UGGT1: variants seen among roughly 807,000 people sequenced by gnomAD.
UGGT1 encodes UDP-glucose glycoprotein glucosyltransferase 1, also known as UDP-glucose:glycoprotein glucosyltransferase 1.
In UGGT1, 107 loss-of-function variants were observed where a neutral mutation model predicts 203.9. The observed-to-expected ratio is 0.52, with a 90% CI of 0.45 to 0.62. The LOEUF is 0.62. UGGT1 is among the 20% of genes least tolerant of loss of function. The pLI is 0.00. For synonymous variants in UGGT1, 628 were observed against 653.5 expected (o/e 0.96, Z 0.59); for missense variants, 1,673 against 1,867.2 (o/e 0.90, Z 1.92).
At chr2:128,104,620 T>C (rs1488037747) in intron 3 of UGGT1, among the ~76,000 whole-genome samples, 1 of 152,328 alleles carries the variant, frequency 6.6e-6, no homozygotes, top group East Asian at 1.9e-4. Flanking sequence ...TTAATTTACA[T>C]TGACAGATAT....
rs543681167 is a variant in UGGT1 at position 128,193,167 on chromosome 2, C to G, written c.*3425C>G. 19 of 90,238 alleles carry G rather than the reference C, an allele frequency of 2.1e-4. No individual in the cohort carries two copies. In the Admixed American group the frequency reaches 2.4e-3, roughly 11 times the overall value. The allele number at this position is 90,238 out of a possible 1,614,324, so 5.6% of individuals were successfully genotyped here. On this transcript the variant is annotated 3_prime_UTR_variant, in exon 41 of 41. Coordinates refer to ENST00000259253, the MANE Select transcript of UGGT1 (RefSeq NM_020120.4). ...ACTCCAGCCTGGCAATAGAGCGAGACTCCGTCTCAAAAAAAAAAAAAAAAA... is the reference window on the plus strand; with the variant it reads ...ACTCCAGCCTGGCAATAGAGCGAGAGTCCGTCTCAAAAAAAAAAAAAAAAA...
chr2:128,121,932 C>G (rs923895077), intron 10 of UGGT1, among the ~76,000 whole-genome samples: 4 of 152,310 alleles, frequency 2.6e-5, no homozygotes, highest in Admixed American at 6.5e-5. Context: ...GAGTCTTGCT[C>G]ATATAACTAA....
At chr2:128,129,004 T>G in intron 12 of UGGT1, 25 bp from the exon 13 acceptor site, 6 of 1,512,778 alleles carry the variant, frequency 4.0e-6, no homozygotes, top group Non-Finnish European at 5.3e-6. Context: ...TCCTAGTAAA[T>G]ATCTCTTTTT....
rs71396517 is a variant in UGGT1 at position 128,183,937 on chromosome 2, TGAGAGAGA to T, written c.4359+165_4359+172del. 2.2e-3 allele frequency: 737 copies of T among 328,572 alleles called. 2 individuals are homozygous for T. The highest frequency in any genetic ancestry group is 0.014 in the Middle Eastern group (19 of 1,328). The allele number at this position is 328,572 out of a possible 1,614,324, so 20.4% of individuals were successfully genotyped here. A position where few individuals can be genotyped will look rare whatever the true frequency, so the allele number is the denominator to read the frequency against. Reference sequence around the variant, plus strand: ...GTGTGTGTGTGTGTGTGTGTGTGTGTGAGAGAGAGAGAGAGAGAGAGAGATTTTTATCT... The same window carrying T: ...GTGTGTGTGTGTGTGTGTGTGTGTGTGAGAGAGAGAGAGAGATTTTTATCT... On this transcript the variant is annotated intron_variant, in intron 38 of 40. Transcript: ENST00000259253.
intron 22 of UGGT1, among the ~76,000 whole-genome samples, chr2:128,158,280 C>A (rs1027505457): frequency 3.3e-5 from 5 of 152,170 alleles, no homozygotes; most frequent in African/African-American, 1.2e-4. Flanking sequence ...ATAGGACACA[C>A]AGTGTCACAA....
In UGGT1 at chr2:128,193,894, CAGAGTTACAAGGGAAAAAGAAAA is replaced by C. The variant is rs1320671022; in HGVS notation, c.*4168_*4190del. 3 of 151,974 alleles carry C rather than the reference CAGAGTTACAAGGGAAAAAGAAAA, an allele frequency of 2.0e-5. No homozygotes were observed. Among genetic ancestry groups the C allele is most frequent in the Admixed American group, 1.3e-4 (2 of 15,236 alleles). 9.4% of individuals were successfully genotyped at this position (151,974 alleles called of 1,614,324 possible). A position where few individuals can be genotyped will look rare whatever the true frequency, so the allele number is the denominator to read the frequency against. Reference sequence around the variant, plus strand: ...GCCTGAACGATTAAAAGAAAGAACTCAGAGTTACAAGGGAAAAAGAAAAAGAGTTACAAGGGAATTGTAGTCTT... The same window carrying C: ...GCCTGAACGATTAAAAGAAAGAACTCAGAGTTACAAGGGAATTGTAGTCTT... On this transcript the variant is annotated 3_prime_UTR_variant, in exon 41 of 41. Coordinates refer to ENST00000259253, the MANE Select transcript of UGGT1 (RefSeq NM_020120.4).
At chr2:128,133,466 G>GC (rs2105428866) in intron 14 of UGGT1, among the ~76,000 whole-genome samples, 1 of 152,282 alleles carries the variant, frequency 6.6e-6, no homozygotes, top group African/African-American at 2.4e-5. Context: ...GAGCATTACA[G>GC]CCCCCCTCAG....
rs1690179953 is a variant in UGGT1, at chr2:128,155,414, A to T, written c.2138-75A>T. The T allele has an allele frequency of 1.5e-5, 17 of 1,097,150 alleles. No homozygotes were observed. In the South Asian group the frequency reaches 2.4e-4, roughly 15 times the overall value. The allele number at this position is 1,097,150 out of a possible 1,614,324, so 68.0% of individuals were successfully genotyped here. On this transcript the variant is annotated intron_variant, in intron 19 of 40. Coordinates refer to ENST00000259253, the MANE Select transcript of UGGT1 (RefSeq NM_020120.4). ...TTCTATAAATCTTATATTATGATCA[A>T]GTCAGGTTATCAGTTGAATATTAAG...
chr2:128,182,520 G>A (rs538115353), intron 37 of UGGT1, among the ~76,000 whole-genome samples: 2 of 152,096 alleles, frequency 1.3e-5, no homozygotes, highest in East Asian at 1.9e-4. Flanking sequence ...CCAACATGGC[G>A]AAACCCCGTC....
chr2:128,164,850 G>A, intron 26 of UGGT1, 25 bp downstream of exon 26: 1 of 1,538,078 alleles, frequency 6.5e-7, no homozygotes, highest in Non-Finnish European at 8.8e-7. Flanking sequence ...TTGAATTTGT[G>A]CATATTCTTG....
chr2:128,129,016 T>A lies in UGGT1; in HGVS notation c.1227-13T>A. The A allele has an allele frequency of 6.5e-7, 1 of 1,544,436 alleles. No homozygotes were observed. Among genetic ancestry groups the A allele is most frequent in the Non-Finnish European group, 8.7e-7 (1 of 1,150,824 alleles). ...TTTTCCTAGTAAATATCTCTTTTTG[T>A]TTTTCCCCCCAGTCTGTTTGATGTG... On this transcript the variant is annotated splice_polypyrimidine_tract_variant and intron_variant, in intron 12 of 40. Coordinates refer to ENST00000259253, the MANE Select transcript of UGGT1 (RefSeq NM_020120.4).
At chr2:128,151,843 C>T (rs1013413576) in intron 18 of UGGT1, among the ~76,000 whole-genome samples, 2 of 152,042 alleles carry the variant, frequency 1.3e-5, no homozygotes, top group East Asian at 1.9e-4. Context: ...TACTACTACA[C>T]TCCAGCCTGG....
chr2:128,110,993 T>A (rs577559366), intron 5 of UGGT1, among the ~76,000 whole-genome samples: 1 of 152,310 alleles, frequency 6.6e-6, no homozygotes, highest in South Asian at 2.1e-4. Flanking sequence ...TGCATTAAGA[T>A]CTGTTAATAT....
chr2:128,122,457 C>G (rs931054366), intron 10 of UGGT1, among the ~76,000 whole-genome samples: 1 of 151,802 alleles, frequency 6.6e-6, no homozygotes, highest in Non-Finnish European at 1.5e-5. Context: ...TCGCTTGAAC[C>G]CGGGAGGTGA....
Position 128,173,884 on chromosome 2 carries a change from C to T in UGGT1, c.3398C>T (p.Thr1133Ile). The T allele has an allele frequency of 1.9e-6, 3 of 1,614,148 alleles. No individual in the cohort carries two copies. Among genetic ancestry groups the T allele is most frequent in the Non-Finnish European group, 2.5e-6 (3 of 1,180,022 alleles). The change falls in exon 30 of 41, where the codon ACC (threonine) becomes ATC (isoleucine). Residue 1133 changes from threonine to isoleucine, a missense_variant. By Grantham distance (89) the Thr-to-Ile change is moderately conservative (BLOSUM62 -1). Coordinates refer to ENST00000259253, the MANE Select transcript of UGGT1 (RefSeq NM_020120.4). Reference protein sequence around the residue: ...TGQPPRGLQFTLGTSANPVIV... With the variant: ...TGQPPRGLQFILGTSANPVIV... The stretch of plus-strand genomic sequence containing the variant: ...CAGCCTCCACGGGGACTACAGTTTA[C>T]CTTAGGAACTTCAGCCAACCCGGTC...
chr2:128,136,520 G>A (rs1366044880), intron 15 of UGGT1, among the ~76,000 whole-genome samples: 1 of 152,190 alleles, frequency 6.6e-6, no homozygotes, highest in Non-Finnish European at 1.5e-5. Context: ...AGCTTCCTCT[G>A]TGTCTTCTAG....
At chr2:128,115,770 A>AT (rs1206665472) in intron 7 of UGGT1, among the ~76,000 whole-genome samples, 1 of 152,050 alleles carries the variant, frequency 6.6e-6, no homozygotes, top group Non-Finnish European at 1.5e-5. Flanking sequence ...TTTAAATGCT[A>AT]TTTTTTCATT....
In UGGT1 at chr2:128,109,751, A is replaced by G. The variant is rs780128553; in HGVS notation, c.521+5A>G. The G allele has an allele frequency of 6.2e-7, 1 of 1,607,166 alleles. No individual in the cohort carries two copies. The highest frequency in any genetic ancestry group is 8.5e-7 in the Non-Finnish European group (1 of 1,174,126). ...TCTACTGACAGCCTCTGAAAGGTAG[A>G]TTATGTGTTTCTTTATTTTCATGTC... On this transcript the variant is annotated splice_donor_5th_base_variant and intron_variant, in intron 5 of 40. Coordinates refer to ENST00000259253, the MANE Select transcript of UGGT1 (RefSeq NM_020120.4).
chr2:128,091,394 G>A lies in UGGT1; in HGVS notation c.37G>A (p.Ala13Thr). The change falls in exon 1 of 41, where the codon GCG becomes ACG. Residue 13 changes from alanine (A) to threonine (T), a missense_variant. This residue lies in a region of UGGT1 where 83 missense variants were observed against 87.2 expected (regional missense o/e 0.95). Transcript: ENST00000259253. ...GGGAGACGCGAGCGGTGCGTGTGCC[G>A]CGGGTGCGCTGCCGGTGACAGGTAC... ...CKGDASGACA[A>T]GALPVTGVCY... 1 of 1,578,764 alleles carries A rather than the reference G, an allele frequency of 6.3e-7. No individual in the cohort carries two copies.
Sources: allele counts gnomAD v4.1 joint callset (sites outside exome capture counted in the v4.1 genomes callset), GRCh38; gene constraint gnomAD v4.1.1; regional missense constraint gnomAD v4.1.1; transcripts MANE v1.5; gene names NCBI Gene and HGNC (gene_info 2026-07-23, HGNC 2026-07-21).